GRM4: variants seen among roughly 807,000 people sequenced by gnomAD.
GRM4 encodes glutamate metabotropic receptor 4, also known as metabotropic glutamate receptor 4.
GRM4 carries 28 observed loss-of-function variants against 81.7 expected under a neutral mutation model. The observed-to-expected ratio is 0.34, with a 90% CI of 0.25 to 0.47. The LOEUF (loss-of-function observed/expected upper bound fraction) is 0.47. Ranked by LOEUF, GRM4 falls within the 20% of genes least tolerant of loss-of-function variation. The probability of loss-of-function intolerance (pLI) is 1.00; values close to 1 mark genes in which losing one functional copy is unlikely to be tolerated. For missense variants in GRM4, 948 were observed against 1,290.0 expected, an observed-to-expected ratio of 0.73 and a Z score of 4.06; for synonymous variants, 488 against 528.8, an observed-to-expected ratio of 0.92 and a Z score of 1.06.
chr6:34,149,977 C>G (rs140583003), upstream of GRM4, among the ~76,000 whole-genome samples: 485 of 152,258 alleles, frequency 3.2e-3, 2 homozygotes, highest in African/African-American at 0.011. Flanking sequence ...TGCAGGAAGG[C>G]CAGCCCAAAT....
In GRM4 at chr6:34,078,793, G is replaced by A. The variant is rs192442565; in HGVS notation, c.736+13090C>T. On this transcript the variant is annotated intron_variant, in intron 3 of 10. Transcript: ENST00000538487. This position sits in a 1 kb window ranked among gnomAD's most constrained non-coding sequence, Gnocchi z 4.8. ...CAAGGCCTCCCTGGGGCCCCAAGCCGTCTGCAAGAGTCGTTAGCTTTCCTT... is the reference window on the plus strand; with the variant it reads ...CAAGGCCTCCCTGGGGCCCCAAGCCATCTGCAAGAGTCGTTAGCTTTCCTT... 3.9e-5 allele frequency among the ~76,000 whole-genome samples: 6 copies of A among 152,232 alleles called. No homozygotes were observed. The East Asian group carries it at 5.8e-4, about 15-fold the overall frequency.
At chr6:34,057,415 C>T (rs187858399) in intron 5 of GRM4, among the ~76,000 whole-genome samples, 208 of 152,304 alleles carry the variant, frequency 1.4e-3, no homozygotes, top group Middle Eastern at 3.4e-3. Flanking sequence ...GCAAAATGAC[C>T]GGCCACGTGG....
At chr6:34,116,946 G>A (rs933639936) in intron 2 of GRM4, among the ~76,000 whole-genome samples, 1 of 151,970 alleles carries the variant, frequency 6.6e-6, no homozygotes, top group Admixed American at 6.5e-5. Context: ...TGTTACGTGA[G>A]GCTCAAAACC....
chr6:34,086,958 C>A (rs568298451), intron 3 of GRM4, among the ~76,000 whole-genome samples: 4 of 152,130 alleles, frequency 2.6e-5, no homozygotes, highest in Non-Finnish European at 5.9e-5. Flanking sequence ...CCCATCCCTA[C>A]AAAAAATGAA....
intron 2 of GRM4, among the ~76,000 whole-genome samples, chr6:34,118,614 T>A (rs1769686466): frequency 6.6e-6 from 1 of 152,190 alleles, no homozygotes; most frequent in South Asian, 2.1e-4. Flanking sequence ...GCTATTAGGA[T>A]TTATCCCTGA....
At chr6:34,127,920 T>C (rs1417148181) in intron 2 of GRM4, among the ~76,000 whole-genome samples, 1 of 152,110 alleles carries the variant, frequency 6.6e-6, no homozygotes, top group East Asian at 1.9e-4. Flanking sequence ...TAAGACAGTG[T>C]TCCCCCAGGG....
chr6:34,076,451 G>A (rs938520163), intron 3 of GRM4, among the ~76,000 whole-genome samples: 6 of 102,592 alleles, frequency 5.8e-5, no homozygotes, highest in Non-Finnish European at 9.3e-5. Flanking sequence ...ACAGAAAACC[G>A]GGGGGCTGGG....
rs929131293 is a variant in GRM4 at position 34,121,162 on chromosome 6, C to A, written c.519+11816G>T. Among the ~76,000 whole-genome samples, 2 of 152,094 alleles carry A rather than the reference C, an allele frequency of 1.3e-5. No homozygotes were observed. The highest frequency in any genetic ancestry group is 4.8e-5 in the African/African-American group (2 of 41,434). On this transcript the variant is annotated intron_variant, in intron 2 of 10. Transcript: ENST00000538487. The surrounding 1 kb of genome is among the most constrained non-coding windows in gnomAD (Gnocchi z 4.6). ...TCCACTTCCTGCTGAAGTCTCCTCT[C>A]AGAACAGTCCTGACCCCGGAAACCA...
In GRM4 at chr6:34,090,035, G is replaced by T. The variant is rs1178221078; in HGVS notation, c.736+1848C>A. Among the ~76,000 whole-genome samples, 1 of 152,210 alleles carries T rather than the reference G, an allele frequency of 6.6e-6. No homozygotes were observed. Among genetic ancestry groups the T allele is most frequent in the African/African-American group, 2.4e-5 (1 of 41,446 alleles). Reference sequence around the variant, plus strand: ...CTTCTCCACCTCTTACTTGCTGTGTGGCCTGGTGCTAGCTATTATTCAGCC... The same window carrying T: ...CTTCTCCACCTCTTACTTGCTGTGTTGCCTGGTGCTAGCTATTATTCAGCC... On this transcript the variant is annotated intron_variant, in intron 3 of 10. Coordinates refer to ENST00000538487, the MANE Select transcript of GRM4 (RefSeq NM_000841.4). This position sits in a 1 kb window ranked among gnomAD's most constrained non-coding sequence, Gnocchi z 5.2.
In GRM4 at chr6:34,078,704, C is replaced by T. The variant is rs187766602; in HGVS notation, c.736+13179G>A. Among the ~76,000 whole-genome samples, 22 of 152,206 alleles carry T rather than the reference C, an allele frequency of 1.4e-4. No homozygotes were observed. The East Asian group carries it at 3.3e-3, about 23-fold the overall frequency. On this transcript the variant is annotated intron_variant, in intron 3 of 10. Coordinates refer to ENST00000538487, the MANE Select transcript of GRM4 (RefSeq NM_000841.4). This position sits in a 1 kb window ranked among gnomAD's most constrained non-coding sequence, Gnocchi z 4.8. ...ACTGCGTGGCCCTCTGTTCACTCTC[C>T]GCCCTCCCTCCCTCCTCTCCTCTTA... is the stretch of plus-strand genomic sequence containing the variant.
At position 34,133,277 on chromosome 6, in the gene GRM4, T is replaced by C. The variant is rs2127511603; in HGVS notation, c.220A>G (p.Lys74Glu). The stretch of plus-strand genomic sequence containing the variant: ...ATGGCCTCCAGCCGGTGGATGCCCT[T>C]TTCCTTCTTAAGTTCTCCACAGGGC... Reference protein sequence around the residue: ...GKPCGELKKEKGIHRLEAMLF... With the variant: ...GKPCGELKKEEGIHRLEAMLF... Residue 74 changes from lysine (K) to glutamate (E), a missense_variant, in exon 2 of 11, where the codon AAG (lysine) becomes GAG (glutamate). Transcript: ENST00000538487. The surrounding 1 kb of genome is among the most constrained non-coding windows in gnomAD (Gnocchi z 6.5). 1.2e-6 allele frequency: 2 copies of C among 1,614,090 alleles called. No individual in the cohort carries two copies. Among genetic ancestry groups the C allele is most frequent in the East Asian group, 2.2e-5 (1 of 44,868 alleles).
chr6:34,151,596 C>A (rs761015960), intron 1 of GRM4, among the ~76,000 whole-genome samples: 9 of 152,094 alleles, frequency 5.9e-5, no homozygotes, highest in Admixed American at 6.5e-5. Flanking sequence ...GTGACAGGCA[C>A]GGGAGGGGCG....
At chr6:34,055,428 A>T (rs1765820656) in intron 6 of GRM4, 1 of 152,150 alleles carries the variant, frequency 6.6e-6, no homozygotes, top group Non-Finnish European at 1.5e-5. Context: ...TCTGGCCACC[A>T]GAGGGCAGCA....
intron 3 of GRM4, among the ~76,000 whole-genome samples, chr6:34,073,869 C>T (rs1008494022): frequency 7.9e-5 from 12 of 152,326 alleles, no homozygotes; most frequent in African/African-American, 2.4e-4. Context: ...GGGGGCCCAG[C>T]CACACCTCAG....
intron 2 of GRM4, among the ~76,000 whole-genome samples, chr6:34,097,489 A>G (rs974538009): frequency 6.6e-6 from 1 of 152,052 alleles, no homozygotes; most frequent in Admixed American, 6.5e-5. Context: ...ATGTGTGCTT[A>G]GTGCCTGGAT....
intron 2 of GRM4, among the ~76,000 whole-genome samples, chr6:34,093,220 C>T (rs1581686704): frequency 6.6e-6 from 1 of 152,202 alleles, no homozygotes; most frequent in Non-Finnish European, 1.5e-5. Context: ...GTTCCTGGGA[C>T]AGGAGGGTTG....
intron 3 of GRM4, among the ~76,000 whole-genome samples, chr6:34,072,831 CCA>C (rs1250697723): frequency 6.6e-6 from 1 of 150,730 alleles, no homozygotes; most frequent in African/African-American, 2.4e-5. Context: ...CCACACATCA[CCA>C]CACAGATACA....
intron 6 of GRM4, among the ~76,000 whole-genome samples, chr6:34,052,509 A>G (rs1479900682): frequency 6.6e-6 from 1 of 152,108 alleles, no homozygotes; most frequent in African/African-American, 2.4e-5. Context: ...GAAGGAATGG[A>G]TTTGGCAAAG....
rs1426796833 is a variant in GRM4 at position 34,070,228 on chromosome 6, TTGCTC to T, written c.737-8205_737-8201del. Among the ~76,000 whole-genome samples the T allele has an allele frequency of 6.6e-6, 1 of 152,080 alleles. No individual in the cohort carries two copies. The highest frequency in any genetic ancestry group is 2.4e-5 in the African/African-American group (1 of 41,404). On this transcript the variant is annotated intron_variant, in intron 3 of 10. Transcript: ENST00000538487. The surrounding 1 kb of genome is among the most constrained non-coding windows in gnomAD (Gnocchi z 4.6). ...ACCCCATTTGAGCCTGGCATCTACT[TTGCTC>T]TGGTCCACAGTGATACTCTGTGCTC... is the stretch of plus-strand genomic sequence containing the variant.
Sources: gnomAD v4.1 joint callset for allele counts (sites outside exome capture counted in the v4.1 genomes callset) on GRCh38, gnomAD v4.1.1 for gene constraint, Gnocchi (gnomAD v3.1) non-coding constraint, MANE v1.5 for transcripts, NCBI Gene and HGNC (gene_info 2026-07-23, HGNC 2026-07-21) for gene names.